Variants in ARAP2 observed in about 807,000 individuals in gnomAD.
The protein encoded by ARAP2 is ArfGAP with RhoGAP domain, ankyrin repeat and PH domain 2, also known as arf-GAP with Rho-GAP domain, ANK repeat and PH domain-containing protein 2.
Under a neutral mutation model 194.5 loss-of-function variants are expected in ARAP2, and 148 were observed. That is an observed-to-expected ratio of 0.76 (90% CI 0.67 to 0.87). The LOEUF (loss-of-function observed/expected upper bound fraction) is 0.87. Ranked by LOEUF, ARAP2 falls within the 40% of genes least tolerant of loss-of-function variation. The pLI is 0.00. For missense variants in ARAP2, 2,128 were observed against 1,989.7 expected (o/e 1.07, Z -1.32); for synonymous variants, 695 against 683.5 (o/e 1.02, Z -0.26).
chr4:36,216,695 G>T (rs915458702), intron 2 of ARAP2, among the ~76,000 whole-genome samples: 2 of 151,868 alleles, frequency 1.3e-5, no homozygotes, highest in African/African-American at 4.8e-5. Context: ...ACAAATAGTG[G>T]TGTATGGATC....
At chr4:36,110,932 C>A (rs1719813971) in intron 26 of ARAP2, among the ~76,000 whole-genome samples, 1 of 151,914 alleles carries the variant, frequency 6.6e-6, no homozygotes, top group Non-Finnish European at 1.5e-5. Flanking sequence ...AGTTTCCCAG[C>A]ATTTACATGC....
At position 36,077,913 on chromosome 4, in the gene ARAP2, G is replaced by GA. The variant is rs1444721065; in HGVS notation, c.4608+2302dup. Among the ~76,000 whole-genome samples the GA allele has an allele frequency of 3.3e-5, 5 of 152,186 alleles. No homozygotes were observed. In the East Asian group the frequency reaches 9.7e-4, roughly 29 times the overall value. Reference sequence around the variant, plus strand: ...AATGATCCTTCCTGGAAGCCTGCATGATACCCCTCTCATTTCAGACTGGTC... The same window carrying GA: ...AATGATCCTTCCTGGAAGCCTGCATGAATACCCCTCTCATTTCAGACTGGTC... On this transcript the variant is annotated intron_variant, in intron 31 of 32. Coordinates refer to ENST00000303965, the MANE Select transcript of ARAP2 (RefSeq NM_015230.4).
chr4:36,109,514 T>C (rs1719280673), intron 26 of ARAP2, among the ~76,000 whole-genome samples: 1 of 151,810 alleles, frequency 6.6e-6, no homozygotes, highest in Non-Finnish European at 1.5e-5. Context: ...CCAGATAAAA[T>C]CTTTTGTGCT....
chr4:36,130,535 C>T (rs929250210), intron 20 of ARAP2, among the ~76,000 whole-genome samples: 1 of 151,794 alleles, frequency 6.6e-6, no homozygotes, highest in Non-Finnish European at 1.5e-5. Flanking sequence ...AAGCACTGTG[C>T]TTTACCCATG....
At chr4:36,151,980 A>G (rs534142098) in intron 15 of ARAP2, among the ~76,000 whole-genome samples, 1 of 152,322 alleles carries the variant, frequency 6.6e-6, no homozygotes, top group East Asian at 1.9e-4. Flanking sequence ...AAGTTTAAGA[A>G]TATATTAAAC....
intron 27 of ARAP2, among the ~76,000 whole-genome samples, chr4:36,100,816 C>G (rs1319260484): frequency 6.6e-6 from 1 of 151,790 alleles, no homozygotes; most frequent in Admixed American, 6.6e-5. Flanking sequence ...GGGGGAGCAT[C>G]TTTTTAAGGC....
In ARAP2 at chr4:36,148,476, A is replaced by C; in HGVS notation, c.2929T>G (p.Ser977Ala). The C allele has an allele frequency of 6.2e-7, 1 of 1,613,156 alleles. No homozygotes were observed. Among genetic ancestry groups the C allele is most frequent in the Non-Finnish European group, 8.5e-7 (1 of 1,179,418 alleles). Residue 977 changes from serine (S) to alanine (A), a missense_variant, in exon 17 of 33, where the codon TCC becomes GCC. Ser to Ala is a moderately conservative substitution (Grantham distance 99, BLOSUM62 1). Coordinates refer to ENST00000303965, the MANE Select transcript of ARAP2 (RefSeq NM_015230.4). ...PIFIFEIYLP[S>A]ERVFLFGAET... is the part of the protein sequence containing the mutation. ...GCTCCAAATAAAAACACACGTTCGG[A>C]GGGTAAGTAGATCTCAAAGATAAAG...
rs527434855 is a variant in ARAP2, at chr4:36,056,705, TTTC to T, written n.321+1262_321+1264del. ...TCAGTGTGACCTGTTTTTGTCCCTT[TTTC>T]TTTTTTTCTACTTTGAATTACTAAA... On this transcript the variant is annotated intron_variant and non_coding_transcript_variant, in intron 2 of 12. Transcript: ENST00000503225. Among the ~76,000 whole-genome samples the T allele has an allele frequency of 4.7e-4, 72 of 152,266 alleles. No individual in the cohort carries two copies. In the Middle Eastern group the frequency reaches 0.01, roughly 22 times the overall value.
Position 36,214,417 on chromosome 4 carries a change from C to A in ARAP2, c.964+5G>T. The A allele has an allele frequency of 6.3e-7, 1 of 1,593,998 alleles. No individual in the cohort carries two copies. The highest frequency in any genetic ancestry group is 8.6e-7 in the Non-Finnish European group (1 of 1,167,848). On this transcript the variant is annotated splice_donor_5th_base_variant and intron_variant, in intron 3 of 32. Transcript: ENST00000303965. ...TTTAAGGAGACATTAAACACATAGA[C>A]TCACTTTGCCATGCCACAGATTTTT... is the stretch of plus-strand genomic sequence containing the variant.
At chr4:36,131,390 ACAT>A (rs1239312819) in intron 20 of ARAP2, among the ~76,000 whole-genome samples, 3 of 150,374 alleles carry the variant, frequency 2.0e-5, no homozygotes, top group Non-Finnish European at 3.0e-5. Flanking sequence ...TAATACATAT[ACAT>A]CATATGTTAT....
intron 11 of ARAP2, among the ~76,000 whole-genome samples, chr4:36,163,729 C>T (rs6828174): frequency 0.046 from 6,923 of 151,266 alleles, 519 homozygotes; most frequent in African/African-American, 0.16. Context: ...GAATAAATGA[C>T]GAACATGTAT....
rs183005105 is a variant in ARAP2 at position 36,023,904 on chromosome 4, C to G, written n.608-4618G>C. ...AGAATTTAAAGATTTTAAAAAATGA[C>G]GTTTGTTTTTTGTTCTTGCGATAGT... On this transcript the variant is annotated intron_variant and non_coding_transcript_variant, in intron 5 of 12. Transcript: ENST00000503225. Among the ~76,000 whole-genome samples the G allele has an allele frequency of 1.2e-3, 189 of 152,062 alleles. 1 individual carries two copies. Among genetic ancestry groups the G allele is most frequent in the African/African-American group, 4.0e-3 (168 of 41,482 alleles).
chr4:36,081,139 C>T (rs1320091815), intron 30 of ARAP2, among the ~76,000 whole-genome samples: 1 of 152,070 alleles, frequency 6.6e-6, no homozygotes, highest in Non-Finnish European at 1.5e-5. Context: ...TTGTCTTTCC[C>T]TATTACCATG....
At chr4:36,041,862 G>A (rs555176455) in intron 5 of ARAP2, among the ~76,000 whole-genome samples, 1 of 152,308 alleles carries the variant, frequency 6.6e-6, no homozygotes, top group South Asian at 2.1e-4. Flanking sequence ...ATGAGATCAT[G>A]TCTTTTGTGG....
chr4:36,167,377 A>T (rs570344256), intron 9 of ARAP2, among the ~76,000 whole-genome samples: 1 of 152,254 alleles, frequency 6.6e-6, no homozygotes, highest in South Asian at 2.1e-4. Context: ...CTCTTATTGT[A>T]TGTCAAGCAG....
intron 1 of ARAP2, among the ~76,000 whole-genome samples, chr4:36,235,941 C>T (rs1280173700): frequency 6.6e-6 from 1 of 152,084 alleles, no homozygotes; most frequent in Non-Finnish European, 1.5e-5. Flanking sequence ...CTTTGGGAGG[C>T]AGAGGTGGGT....
intron 6 of ARAP2, among the ~76,000 whole-genome samples, chr4:36,194,670 T>C (rs1220222269): frequency 1.3e-5 from 2 of 152,116 alleles, no homozygotes; most frequent in African/African-American, 2.4e-5. Context: ...ACAGCAAGCC[T>C]CCCAAATTAA....
chr4:36,130,511 T>C (rs1725164626), intron 20 of ARAP2, among the ~76,000 whole-genome samples: 1 of 151,824 alleles, frequency 6.6e-6, no homozygotes, highest in Non-Finnish European at 1.5e-5. Flanking sequence ...CCATTTTCTC[T>C]TAGGGCTCAT....
At chr4:36,014,483 C>G (rs1056135836) in intron 8 of ARAP2, among the ~76,000 whole-genome samples, 2 of 151,960 alleles carry the variant, frequency 1.3e-5, no homozygotes, top group African/African-American at 4.8e-5. Context: ...AAAAGAAGAG[C>G]CACAGTTGTC....
Sources: allele counts gnomAD v4.1 joint callset (sites outside exome capture counted in the v4.1 genomes callset), GRCh38; gene constraint gnomAD v4.1.1; transcripts MANE v1.5; gene names NCBI Gene and HGNC (gene_info 2026-07-23, HGNC 2026-07-21).